Variants in SOCS6 observed in about 807,000 individuals in gnomAD.
SOCS6 encodes suppressor of cytokine signaling 6.
Under a neutral mutation model 27.7 loss-of-function variants are expected in SOCS6, and 5 were observed. That is an observed-to-expected ratio of 0.18 (90% CI 0.09 to 0.38). SOCS6 has a LOEUF of 0.38. Among genes scored for constraint, SOCS6 ranks in the 10% least tolerant of loss-of-function variants. The probability of loss-of-function intolerance (pLI) is 1.00; values close to 1 mark genes in which losing one functional copy is unlikely to be tolerated. For missense variants in SOCS6, 595 were observed against 688.1 expected (o/e 0.86, Z 1.51); for synonymous variants, 271 against 260.0 (o/e 1.04, Z -0.41).
intron 1 of SOCS6, among the ~76,000 whole-genome samples, chr18:70,313,615 C>G (rs1033304100): frequency 1.3e-5 from 2 of 152,184 alleles, no homozygotes; most frequent in Non-Finnish European, 2.9e-5. Context: ...ACCTACTCAT[C>G]ATCATTCATT....
intron 1 of SOCS6, among the ~76,000 whole-genome samples, chr18:70,295,678 A>G (rs1053616234): frequency 7.2e-5 from 11 of 152,244 alleles, no homozygotes; most frequent in African/African-American, 2.2e-4. Context: ...ATACCAGTGC[A>G]GAGAATTTCA....
intron 1 of SOCS6, among the ~76,000 whole-genome samples, chr18:70,295,641 T>C (rs946639449): frequency 6.6e-6 from 1 of 152,220 alleles, no homozygotes; most frequent in Non-Finnish European, 1.5e-5. Context: ...TTGCCAAATA[T>C]CACAGACTGG....
At chr18:70,296,863 A>T (rs2062325414) in intron 1 of SOCS6, among the ~76,000 whole-genome samples, 1 of 149,142 alleles carries the variant, frequency 6.7e-6, no homozygotes, top group Non-Finnish European at 1.5e-5. Context: ...AACTATTAAA[A>T]TGACTTTTAT....
chr18:70,328,716 T>C lies in SOCS6; in HGVS notation c.*2440T>C, dbSNP rs1911303492. ...AAAGTTAAATTTACAAGCAGAAAGA[T>C]GTTTTGCGATATTTTCTACTTTTGT... On this transcript the variant is annotated 3_prime_UTR_variant, in exon 2 of 2. Transcript: ENST00000397942. The C allele has an allele frequency of 6.0e-6, 1 of 166,996 alleles. No homozygotes were observed. Among genetic ancestry groups the C allele is most frequent in the Admixed American group, 6.6e-5 (1 of 15,256 alleles). 10.3% of individuals were successfully genotyped at this position (166,996 alleles called of 1,614,324 possible). A position where few individuals can be genotyped will look rare whatever the true frequency, so the allele number is the denominator to read the frequency against.
At chr18:70,315,594 C>A (rs558251149) in intron 1 of SOCS6, among the ~76,000 whole-genome samples, 1 of 152,230 alleles carries the variant, frequency 6.6e-6, no homozygotes, top group African/African-American at 2.4e-5. Context: ...ATTGAGTTTT[C>A]TCTTGCATAA....
chr18:70,324,638 A>G lies in SOCS6; in HGVS notation c.-31A>G. 1 of 1,413,864 alleles carries G rather than the reference A, an allele frequency of 7.1e-7. No individual in the cohort carries two copies. The highest frequency in any genetic ancestry group is 1.9e-4 in the Middle Eastern group (1 of 5,286). The allele number at this position is 1,413,864 out of a possible 1,614,324, so 87.6% of individuals were successfully genotyped here. ...TGGGGATAATATTCCAGATAGAAATATTGATCCCTTGGATTAGGTAACTAG... is the reference window on the plus strand; with the variant it reads ...TGGGGATAATATTCCAGATAGAAATGTTGATCCCTTGGATTAGGTAACTAG... On this transcript the variant is annotated 5_prime_UTR_variant, in exon 2 of 2. It adds an upstream start codon to the 5' untranslated region. Coordinates refer to ENST00000397942, the MANE Select transcript of SOCS6 (RefSeq NM_004232.4).
rs923345222 is a variant in SOCS6, at chr18:70,329,213, A to G, written c.*2937A>G. On this transcript the variant is annotated 3_prime_UTR_variant, in exon 2 of 2. Coordinates refer to ENST00000397942, the MANE Select transcript of SOCS6 (RefSeq NM_004232.4). The stretch of plus-strand genomic sequence containing the variant: ...AAAACTCTTTCTACTTGGTGCAATA[A>G]TCTGAAAATTTAGAAGGTCAAAATA... 1.2e-5 allele frequency: 2 copies of G among 167,082 alleles called. No homozygotes were observed. The highest frequency in any genetic ancestry group is 2.9e-5 in the Non-Finnish European group (2 of 68,118). The allele number at this position is 167,082 out of a possible 1,614,324, so 10.3% of individuals were successfully genotyped here.
At position 70,326,399 on chromosome 18, in the gene SOCS6, A is replaced by G; in HGVS notation, c.*123A>G. 2.3e-6 allele frequency: 2 copies of G among 856,682 alleles called. No homozygotes were observed. Among genetic ancestry groups the G allele is most frequent in the Non-Finnish European group, 3.6e-6 (2 of 551,378 alleles). 53.1% of individuals were successfully genotyped at this position (856,682 alleles called of 1,614,324 possible). On this transcript the variant is annotated 3_prime_UTR_variant, in exon 2 of 2. Transcript: ENST00000397942. ...TAACTATTTCAGTTTTATGTGTAAA[A>G]GAGTCATCAGTTTGTTTAGGGGTGG...
At chr18:70,311,840 T>A (rs1238990093) in intron 1 of SOCS6, among the ~76,000 whole-genome samples, 1 of 152,212 alleles carries the variant, frequency 6.6e-6, no homozygotes, top group African/African-American at 2.4e-5. Flanking sequence ...GATTTTTTTT[T>A]ATGGTTATTG....
At chr18:70,318,976 GAAGA>G (rs1016080782) in intron 1 of SOCS6, among the ~76,000 whole-genome samples, 4 of 152,008 alleles carry the variant, frequency 2.6e-5, no homozygotes, top group Middle Eastern at 3.4e-3. Flanking sequence ...GAAGAGAAAA[GAAGA>G]AAGAAAGAAA....
intron 1 of SOCS6, among the ~76,000 whole-genome samples, chr18:70,302,365 G>T (rs1450649676): frequency 6.6e-6 from 1 of 152,136 alleles, no homozygotes; most frequent in Non-Finnish European, 1.5e-5. Flanking sequence ...AGAAAAGAGA[G>T]GGAAGGTGTG....
At chr18:70,304,774 C>CA (rs2062362192) in intron 1 of SOCS6, among the ~76,000 whole-genome samples, 1 of 152,170 alleles carries the variant, frequency 6.6e-6, no homozygotes, top group African/African-American at 2.4e-5. Flanking sequence ...TTTTGAAACA[C>CA]AAACACTTTT....
chr18:70,318,943 AAAAG>A (rs1004276166), intron 1 of SOCS6, among the ~76,000 whole-genome samples: 3 of 152,150 alleles, frequency 2.0e-5, no homozygotes, highest in African/African-American at 4.8e-5. Context: ...TCTCACAAAA[AAAAG>A]AAAAGAAAAG....
intron 1 of SOCS6, among the ~76,000 whole-genome samples, chr18:70,320,508 T>C (rs571981591): frequency 1.3e-5 from 2 of 152,252 alleles, no homozygotes; most frequent in South Asian, 4.1e-4. Context: ...ACAGTTTCAA[T>C]TACCACAGTC....
Position 70,326,306 on chromosome 18 carries a change from G to A in SOCS6, c.*30G>A. 6.5e-7 allele frequency: 1 copy of A among 1,544,232 alleles called. No homozygotes were observed. The highest frequency in any genetic ancestry group is 8.8e-7 in the Non-Finnish European group (1 of 1,137,780). Reference sequence around the variant, plus strand: ...TTGAGAACCCTGCATCTTGCACTTTGGGAATAAGAACAAGAGATTGAAATA... The same window carrying A: ...TTGAGAACCCTGCATCTTGCACTTTAGGAATAAGAACAAGAGATTGAAATA... On this transcript the variant is annotated 3_prime_UTR_variant, in exon 2 of 2. Transcript: ENST00000397942.
intron 1 of SOCS6, among the ~76,000 whole-genome samples, chr18:70,312,620 C>T (rs2062394972): frequency 6.6e-6 from 1 of 151,988 alleles, no homozygotes; most frequent in Non-Finnish European, 1.5e-5. Context: ...ATTTCCTTTT[C>T]AATGAATTTT....
chr18:70,291,293 G>A (rs541935909), intron 1 of SOCS6, among the ~76,000 whole-genome samples: 1 of 152,022 alleles, frequency 6.6e-6, no homozygotes, highest in Non-Finnish European at 1.5e-5. Context: ...GGAGAGGTGG[G>A]GTCTTGCTGT....
At chr18:70,302,483 C>A (rs1435171850) in intron 1 of SOCS6, among the ~76,000 whole-genome samples, 2 of 152,090 alleles carry the variant, frequency 1.3e-5, no homozygotes, top group African/African-American at 2.4e-5. Context: ...AAAGTGAGAC[C>A]CATCAGACCA....
At chr18:70,300,134 T>A (rs565877768) in intron 1 of SOCS6, among the ~76,000 whole-genome samples, 1 of 152,258 alleles carries the variant, frequency 6.6e-6, no homozygotes, top group South Asian at 2.1e-4. Flanking sequence ...ATTCTTTATT[T>A]TTTTTTTTCC....
Sources: allele counts gnomAD v4.1 joint callset (sites outside exome capture counted in the v4.1 genomes callset), GRCh38; gene constraint gnomAD v4.1.1; transcripts MANE v1.5; gene names NCBI Gene and HGNC (gene_info 2026-07-23, HGNC 2026-07-21).